DDIAS: variants seen among roughly 807,000 people sequenced by gnomAD.
The protein encoded by DDIAS is DNA damage-induced apoptosis suppressor protein.
DDIAS carries 14 observed loss-of-function variants against 15.7 expected under a neutral mutation model. The observed-to-expected ratio is 0.89, with a 90% confidence interval of 0.59 to 1.39. The LOEUF (loss-of-function observed/expected upper bound fraction) is 1.39. Among genes scored for constraint, DDIAS ranks in the 40% most tolerant of loss-of-function variants. The probability of loss-of-function intolerance (pLI) is 0.00; values close to 1 mark genes in which losing one functional copy is unlikely to be tolerated. For missense variants in DDIAS, 1,035 were observed against 1,130.9 expected (o/e 0.92, Z 1.22); for synonymous variants, 355 against 395.9 (o/e 0.90, Z 1.23).
intron 1 of DDIAS, among the ~76,000 whole-genome samples, chr11:82,912,891 ATTG>A (rs1860554025): frequency 6.6e-6 from 1 of 152,150 alleles, no homozygotes; most frequent in Non-Finnish European, 1.5e-5. Context: ...TAATTTCAAT[ATTG>A]TTGTGTCTCA....
intron 3 of DDIAS, among the ~76,000 whole-genome samples, chr11:82,921,947 G>T (rs1400483102): frequency 6.6e-6 from 1 of 152,180 alleles, no homozygotes; most frequent in Non-Finnish European, 1.5e-5. Context: ...GAGAAAGACT[G>T]TATCTTTCCT....
chr11:82,909,442 G>A (rs550152193), intron 1 of DDIAS: 64 of 152,228 alleles, frequency 4.2e-4, no homozygotes, highest in African/African-American at 5.8e-4. Flanking sequence ...TGCCTTAACC[G>A]TCTGGGAATT....
Position 82,931,897 on chromosome 11 carries a change from A to C in DDIAS, c.559A>C (p.Thr187Pro), listed in dbSNP as rs1438135793. 6.2e-7 allele frequency: 1 copy of C among 1,614,160 alleles called. No homozygotes were observed. Among genetic ancestry groups the C allele is most frequent in the Non-Finnish European group, 8.5e-7 (1 of 1,180,022 alleles). The change falls in exon 6 of 6, where the codon ACT (threonine) becomes CCT (proline). Residue 187 changes from threonine to proline, a missense_variant. Thr to Pro is a conservative substitution (Grantham distance 38). Coordinates refer to ENST00000533655, the MANE Select transcript of DDIAS (RefSeq NM_145018.4). ...TGACTACTTCCATCAACTTTTGCAGACTTTTAATTTCAGGAAACTTCAGTG... is the reference window on the plus strand; with the variant it reads ...TGACTACTTCCATCAACTTTTGCAGCCTTTTAATTTCAGGAAACTTCAGTG... ...VIDYFHQLLQ[T>P]FNFRKLQCDS...
At chr11:82,913,561 T>C in intron 2 of DDIAS, 175 bp downstream of exon 2, 1 of 329,492 alleles carries the variant, frequency 3.0e-6, no homozygotes, top group Non-Finnish European at 5.8e-6. Flanking sequence ...ATGTGTTTTA[T>C]ACAAGGATAT....
chr11:82,934,052 T>A lies in DDIAS; in HGVS notation c.2714T>A (p.Leu905Gln). 6.2e-7 allele frequency: 1 copy of A among 1,613,600 alleles called. No individual in the cohort carries two copies. Among genetic ancestry groups the A allele is most frequent in the Non-Finnish European group, 8.5e-7 (1 of 1,179,788 alleles). ...PDQQELPRKK[L>Q]KHIRQGTNKG... ...CAACAAGAGTTACCAAGAAAGAAAC[T>A]GAAACATATTAGACAAGGAACCAAT... Residue 905 changes from leucine (L) to glutamine (Q), a missense_variant, in exon 6 of 6, where the codon CTG becomes CAG. Leu to Gln is a moderately radical substitution (Grantham distance 113). Transcript: ENST00000533655.
At chr11:82,924,191 T>C (rs1186563403) in intron 3 of DDIAS, among the ~76,000 whole-genome samples, 1 of 152,224 alleles carries the variant, frequency 6.6e-6, no homozygotes, top group Non-Finnish European at 1.5e-5. Context: ...GGAAGTGATA[T>C]GTGGAAGCAT....
chr11:82,907,602 G>A (rs938209686), intron 1 of DDIAS, among the ~76,000 whole-genome samples: 7 of 152,138 alleles, frequency 4.6e-5, no homozygotes, highest in Admixed American at 6.5e-5. Context: ...GTGCAGTGGC[G>A]CAATACCGCG....
chr11:82,903,039 G>C (rs1307661944), intron 1 of DDIAS, among the ~76,000 whole-genome samples: 1 of 152,202 alleles, frequency 6.6e-6, no homozygotes, highest in African/African-American at 2.4e-5. Flanking sequence ...AAGAGGGAAA[G>C]AAAAACATTC....
rs1018349258 is a variant in DDIAS at position 82,913,343 on chromosome 11, C to G, written c.-60C>G. On this transcript the variant is annotated 5_prime_UTR_variant, in exon 2 of 6. Transcript: ENST00000533655. Reference sequence around the variant, plus strand: ...ATGGCATCATCATAGCTCACTATGGCCTTGATCCTCCTGCCTTAGCCTCCC... The same window carrying G: ...ATGGCATCATCATAGCTCACTATGGGCTTGATCCTCCTGCCTTAGCCTCCC... 5 of 167,948 alleles carry G rather than the reference C, an allele frequency of 3.0e-5. No homozygotes were observed. Among genetic ancestry groups the G allele is most frequent in the Admixed American group, 1.9e-4 (3 of 16,060 alleles). The allele number at this position is 167,948 out of a possible 1,614,324, so 10.4% of individuals were successfully genotyped here. A position where few individuals can be genotyped will look rare whatever the true frequency, so the allele number is the denominator to read the frequency against.
intron 1 of DDIAS, among the ~76,000 whole-genome samples, chr11:82,908,403 G>A (rs1040226854): frequency 6.6e-6 from 1 of 152,184 alleles, no homozygotes; most frequent in African/African-American, 2.4e-5. Flanking sequence ...GTAAGAGACA[G>A]CATGTTCAGG....
intron 3 of DDIAS, among the ~76,000 whole-genome samples, chr11:82,917,857 T>C (rs1860662116): frequency 2.0e-5 from 3 of 152,228 alleles, no homozygotes; most frequent in Admixed American, 2.0e-4. Flanking sequence ...AAGAAGGTAG[T>C]ATCGCATTGT....
At chr11:82,921,456 G>C (rs1001885300) in intron 3 of DDIAS, among the ~76,000 whole-genome samples, 1 of 147,250 alleles carries the variant, frequency 6.8e-6, no homozygotes, top group Non-Finnish European at 1.5e-5. Flanking sequence ...TTTTTAAATT[G>C]TTTTTGTTTT....
rs988186672 is a variant in DDIAS, at chr11:82,933,220, T to G, written c.1882T>G (p.Cys628Gly). The change falls in exon 6 of 6, where the codon TGC becomes GGC. Residue 628 changes from cysteine (C) to glycine (G), a missense_variant. Cys to Gly is a radical substitution (Grantham distance 159). Coordinates refer to ENST00000533655, the MANE Select transcript of DDIAS (RefSeq NM_145018.4). ...GAACCAAGATGACAGTTTTACAATT[T>G]GCAGGAAACTTACATATCCTTTAGA... ...SKNQDDSFTI[C>G]RKLTYPLETL... 2 of 1,611,704 alleles carry G rather than the reference T, an allele frequency of 1.2e-6. No homozygotes were observed. Among genetic ancestry groups the G allele is most frequent in the Non-Finnish European group, 1.7e-6 (2 of 1,179,570 alleles).
intron 4 of DDIAS, among the ~76,000 whole-genome samples, chr11:82,929,535 C>G (rs910761357): frequency 1.3e-5 from 2 of 152,038 alleles, no homozygotes; most frequent in African/African-American, 4.8e-5. Context: ...AACCCCATCT[C>G]TACTAAAAAT....
Position 82,932,566 on chromosome 11 carries a change from C to T in DDIAS, c.1228C>T (p.Pro410Ser). The change falls in exon 6 of 6, where the codon CCT (proline) becomes TCT (serine). Residue 410 changes from proline (P) to serine (S), a missense_variant. Physicochemically the swap from Pro to Ser is moderately conservative, Grantham distance 74. Coordinates refer to ENST00000533655, the MANE Select transcript of DDIAS (RefSeq NM_145018.4). ...ETASSSQDGD[P>S]QIWDDLPFSE... ...AGCCAGCAGTTCCCAGGATGGTGAC[C>T]CTCAAATTTGGGATGATCTGCCATT... is the stretch of plus-strand genomic sequence containing the variant. 3.1e-6 allele frequency: 5 copies of T among 1,614,020 alleles called. No homozygotes were observed. Among genetic ancestry groups the T allele is most frequent in the Non-Finnish European group, 4.2e-6 (5 of 1,179,968 alleles).
Position 82,932,186 on chromosome 11 carries a change from C to G in DDIAS, c.848C>G (p.Thr283Ser). The G allele has an allele frequency of 1.2e-6, 2 of 1,614,156 alleles. No homozygotes were observed. The highest frequency in any genetic ancestry group is 8.5e-7 in the Non-Finnish European group (1 of 1,180,026). Reference sequence around the variant, plus strand: ...AAGTCCATCTCCATTGCAGAGGCCACTGGTTCCAGTAGCTGCCATGATCCC... The same window carrying G: ...AAGTCCATCTCCATTGCAGAGGCCAGTGGTTCCAGTAGCTGCCATGATCCC... ...NRKSISIAEATGSSSCHDPIQ... is the reference protein window; with the variant it reads ...NRKSISIAEASGSSSCHDPIQ... The change falls in exon 6 of 6, where the codon ACT (threonine) becomes AGT (serine). Residue 283 changes from threonine to serine, a missense_variant. Coordinates refer to ENST00000533655, the MANE Select transcript of DDIAS (RefSeq NM_145018.4).
intron 1 of DDIAS, among the ~76,000 whole-genome samples, chr11:82,912,764 A>G (rs898462582): frequency 1.1e-4 from 17 of 152,236 alleles, no homozygotes; most frequent in African/African-American, 4.1e-4. Context: ...TCGGCTATCA[A>G]CATGCTTTCC....
At chr11:82,931,395 A>C (rs1860981684) in intron 5 of DDIAS, among the ~76,000 whole-genome samples, 1 of 152,210 alleles carries the variant, frequency 6.6e-6, no homozygotes, top group Non-Finnish European at 1.5e-5. Flanking sequence ...TCTGTCACCC[A>C]GGCTGGACTG....
chr11:82,930,201 A>G lies in DDIAS; in HGVS notation c.320A>G (p.Asp107Gly), dbSNP rs371327611. The G allele has an allele frequency of 1.6e-4, 252 of 1,603,060 alleles. No individual in the cohort carries two copies. Among genetic ancestry groups the G allele is most frequent in the Non-Finnish European group, 2.0e-4 (239 of 1,173,968 alleles). Residue 107 changes from aspartate (D) to glycine (G), a missense_variant, in exon 5 of 6, where the codon GAT (aspartate) becomes GGT (glycine). Asp to Gly is a moderately conservative substitution (Grantham distance 94). Coordinates refer to ENST00000533655, the MANE Select transcript of DDIAS (RefSeq NM_145018.4). ...PNKIPETLDN[D>G]TTQNLLTKAV... ...AAAATTCCAGAAACACTGGACAATG[A>G]TACAACTCAGAATCTATTAACTAAA...
Sources: gnomAD v4.1 joint callset for allele counts (sites outside exome capture counted in the v4.1 genomes callset) on GRCh38, gnomAD v4.1.1 for gene constraint, MANE v1.5 for transcripts, NCBI Gene and HGNC (gene_info 2026-07-23, HGNC 2026-07-21) for gene names.